BCL11B: variants seen among roughly 807,000 people sequenced by gnomAD.
The protein encoded by BCL11B is BCL11 transcription factor B.
BCL11B carries 8 observed loss-of-function variants against 49.9 expected under a neutral mutation model. The observed-to-expected ratio is 0.16, with a 90% CI of 0.09 to 0.29. The LOEUF (loss-of-function observed/expected upper bound fraction) is 0.29. Ranked by LOEUF, BCL11B falls within the 10% of genes least tolerant of loss-of-function variation. The pLI is 1.00. For synonymous variants in BCL11B, 739 were observed against 637.4 expected (o/e 1.16, Z -2.40); for missense variants, 1,006 against 1,351.0 (o/e 0.74, Z 4.00).
intron 3 of BCL11B, among the ~76,000 whole-genome samples, chr14:99,217,385 GACACACACACAC>G (rs112404818): frequency 3.1e-5 from 4 of 131,018 alleles, no homozygotes; most frequent in Admixed American, 1.5e-4. Flanking sequence ...CACACATACA[GACACACACACAC>G]ACACACACAC....
At chr14:99,235,489 T>C (rs2139901372) in intron 2 of BCL11B, among the ~76,000 whole-genome samples, 1 of 152,318 alleles carries the variant, frequency 6.6e-6, no homozygotes, top group East Asian at 1.9e-4. Flanking sequence ...AAAAGCATGA[T>C]CAGGAGTAAT....
Position 99,175,403 on chromosome 14 carries a change from A to C in BCL11B, c.1433T>G (p.Met478Arg). 6.2e-7 allele frequency: 1 copy of C among 1,606,438 alleles called. No individual in the cohort carries two copies. Among genetic ancestry groups the C allele is most frequent in the Non-Finnish European group, 8.5e-7 (1 of 1,177,554 alleles). ...GCCGGCCAGCGAGCCGGCCTTGTGC[A>C]TGTGCGTCTTCATGTGGCGCTTGAG... ...SKLKRHMKTH[M>R]HKAGSLAGRS... Residue 478 changes from methionine to arginine, a missense_variant, in exon 4 of 4, where the codon ATG becomes AGG. This residue lies in a region of BCL11B where 443 missense variants were observed against 499.7 expected (regional missense o/e 0.89). Coordinates refer to ENST00000357195, the MANE Select transcript of BCL11B (RefSeq NM_138576.4).
chr14:99,247,914 G>C lies in BCL11B; in HGVS notation c.427+9557C>G, dbSNP rs1238921159. Among the ~76,000 whole-genome samples the C allele has an allele frequency of 6.6e-6, 1 of 152,226 alleles. No individual in the cohort carries two copies. The highest frequency in any genetic ancestry group is 1.5e-5 in the Non-Finnish European group (1 of 68,038). On this transcript the variant is annotated intron_variant, in intron 2 of 3. Coordinates refer to ENST00000357195, the MANE Select transcript of BCL11B (RefSeq NM_138576.4). The surrounding 1 kb of genome is among the most constrained non-coding windows in gnomAD (Gnocchi z 4.5). ...CAGGGGATGGGGGGAAAACAGCCCTGATCAAACATTGCCTTGGCTTAGAGA... is the reference window on the plus strand; with the variant it reads ...CAGGGGATGGGGGGAAAACAGCCCTCATCAAACATTGCCTTGGCTTAGAGA...
intron 3 of BCL11B, among the ~76,000 whole-genome samples, chr14:99,216,930 AAATATCCAC>A (rs1887854825): frequency 6.6e-6 from 1 of 152,182 alleles, no homozygotes; most frequent in Non-Finnish European, 1.5e-5. Flanking sequence ...TCACATGCAC[AAATATCCAC>A]ATGTGTACAC....
chr14:99,265,625 G>T (rs571221523), intron 1 of BCL11B, among the ~76,000 whole-genome samples: 1 of 152,336 alleles, frequency 6.6e-6, no homozygotes, highest in East Asian at 1.9e-4. Flanking sequence ...TCCGGCCCAA[G>T]ACTTCGAGGT....
rs1222600397 is a variant in BCL11B at position 99,171,422 on chromosome 14, TTTTTTC to T, written c.*2723_*2728del. On this transcript the variant is annotated 3_prime_UTR_variant, in exon 4 of 4. Coordinates refer to ENST00000357195, the MANE Select transcript of BCL11B (RefSeq NM_138576.4). ...ATGGCAGCCTGTTTGTTTTTGTTTT[TTTTTTC>T]TTTTTATTTCCAAATTCACTAACAA... The T allele has an allele frequency of 4.7e-6, 1 of 214,696 alleles. No homozygotes were observed. The allele number at this position is 214,696 out of a possible 1,614,324, so 13.3% of individuals were successfully genotyped here. A position where few individuals can be genotyped will look rare whatever the true frequency, so the allele number is the denominator to read the frequency against.
chr14:99,208,920 C>T (rs578165510), intron 3 of BCL11B, among the ~76,000 whole-genome samples: 4 of 152,292 alleles, frequency 2.6e-5, no homozygotes, highest in African/African-American at 7.2e-5. Flanking sequence ...CCAAGGCCAA[C>T]GTGGACATGG....
rs1338296267 is a variant in BCL11B, at chr14:99,262,275, C to T, written c.59-4436G>A. 1.3e-5 allele frequency among the ~76,000 whole-genome samples: 2 copies of T among 152,246 alleles called. No individual in the cohort carries two copies. Among genetic ancestry groups the T allele is most frequent in the East Asian group, 3.8e-4 (2 of 5,196 alleles). On this transcript the variant is annotated intron_variant, in intron 1 of 3. Coordinates refer to ENST00000357195, the MANE Select transcript of BCL11B (RefSeq NM_138576.4). The surrounding 1 kb of genome is among the most constrained non-coding windows in gnomAD (Gnocchi z 4.2). The stretch of plus-strand genomic sequence containing the variant: ...CATGCACCTGCCCTTAGGGGAACTC[C>T]AGCCGAGAGGTCTGCTGCCTGCTGT...
intron 1 of BCL11B, among the ~76,000 whole-genome samples, chr14:99,268,049 T>C (rs568986903): frequency 1.3e-5 from 2 of 152,116 alleles, no homozygotes; most frequent in African/African-American, 4.8e-5. Context: ...CTCGGCACGA[T>C]TGCCACTGTG....
chr14:99,203,077 T>C (rs761895011), intron 3 of BCL11B, among the ~76,000 whole-genome samples: 8 of 152,086 alleles, frequency 5.3e-5, no homozygotes, highest in African/African-American at 7.2e-5. Flanking sequence ...TTCCACACCC[T>C]ATCTCAACTC....
At position 99,175,606 on chromosome 14, in the gene BCL11B, C is replaced by G. The variant is rs760986119; in HGVS notation, c.1230G>C (p.Pro410=). 8.3e-6 allele frequency: 13 copies of G among 1,561,422 alleles called. No homozygotes were observed. The East Asian group carries it at 2.5e-4, about 31-fold the overall frequency. ...KSPFLSTPPL[P]PMPPGGTPPP... is the part of the protein sequence containing the mutation. ...GCGGCGTGCCGCCAGGGGGCATGGG[C>G]GGCAGCGGCGGCGTGCTCAGGAACG... Residue 410 remains proline (P), a synonymous_variant, in exon 4 of 4, where the codon CCG becomes CCC. Coordinates refer to ENST00000357195, the MANE Select transcript of BCL11B (RefSeq NM_138576.4).
intron 2 of BCL11B, among the ~76,000 whole-genome samples, chr14:99,234,906 C>G (rs1455529633): frequency 1.4e-5 from 2 of 145,040 alleles, no homozygotes; most frequent in Non-Finnish European, 3.0e-5. Flanking sequence ...CCCTAAAATG[C>G]CTCTTCTTAG....
At chr14:99,210,466 C>T (rs895568228) in intron 3 of BCL11B, among the ~76,000 whole-genome samples, 11 of 152,112 alleles carry the variant, frequency 7.2e-5, no homozygotes, top group Non-Finnish European at 1.0e-4. Flanking sequence ...AGTGTGTTTA[C>T]TGAAAAGGTT....
chr14:99,246,265 C>A (rs2139927971), intron 2 of BCL11B, among the ~76,000 whole-genome samples: 1 of 152,348 alleles, frequency 6.6e-6, no homozygotes, highest in African/African-American at 2.4e-5. Flanking sequence ...CCGCCCCTCG[C>A]CGCCCGGCTC....
intron 1 of BCL11B, among the ~76,000 whole-genome samples, chr14:99,259,213 GGAAGGATAAT>G (rs1889267399): frequency 6.6e-6 from 1 of 152,164 alleles, no homozygotes; most frequent in Admixed American, 6.5e-5. Flanking sequence ...TGGTATTTAG[GGAAGGATAAT>G]GAAAACCACA....
intron 3 of BCL11B, among the ~76,000 whole-genome samples, chr14:99,217,479 A>G (rs1887886674): frequency 6.6e-6 from 1 of 152,122 alleles, no homozygotes; most frequent in Non-Finnish European, 1.5e-5. Flanking sequence ...GGGAAAAACC[A>G]GGGAGAAAAT....
rs1028549826 is a variant in BCL11B, at chr14:99,243,954, C to G, written c.428-12397G>C. On this transcript the variant is annotated intron_variant, in intron 2 of 3. Transcript: ENST00000357195. Reference sequence around the variant, plus strand: ...AAAAAAAAAAAAAAAAAAAAAAAAGCAAGGAAAGTGCCCTACAGACACATG... The same window carrying G: ...AAAAAAAAAAAAAAAAAAAAAAAAGGAAGGAAAGTGCCCTACAGACACATG... Among the ~76,000 whole-genome samples the G allele has an allele frequency of 6.0e-5, 7 of 115,950 alleles. No individual in the cohort carries two copies. In the East Asian group the frequency reaches 1.7e-3, roughly 28 times the overall value. 76.1% of individuals were successfully genotyped at this position (115,950 alleles called of 152,430 possible). A position where few individuals can be genotyped will look rare whatever the true frequency, so the allele number is the denominator to read the frequency against.
At chr14:99,187,568 C>G (rs953519882) in intron 3 of BCL11B, among the ~76,000 whole-genome samples, 4 of 148,824 alleles carry the variant, frequency 2.7e-5, no homozygotes, top group African/African-American at 1.0e-4. Flanking sequence ...ACTCTGGGGA[C>G]AGGAATTTTG....
intron 3 of BCL11B, among the ~76,000 whole-genome samples, chr14:99,203,883 A>G (rs1193745971): frequency 6.6e-6 from 1 of 151,130 alleles, no homozygotes; most frequent in African/African-American, 2.5e-5. Context: ...GGCCTAGTCA[A>G]TCTTATCGCA....
Sources: gnomAD v4.1 joint callset for allele counts (sites outside exome capture counted in the v4.1 genomes callset) on GRCh38, gnomAD v4.1.1 for gene constraint, gnomAD v4.1.1 regional missense constraint, Gnocchi (gnomAD v3.1) non-coding constraint, MANE v1.5 for transcripts, NCBI Gene and HGNC (gene_info 2026-07-23, HGNC 2026-07-21) for gene names.